The following KLRG2 variants were observed in gnomAD, a reference collection of about 807,000 sequenced individuals.
KLRG2 encodes killer cell lectin-like receptor subfamily G member 2.
KLRG2 carries 39 observed loss-of-function variants against 35.4 expected under a neutral mutation model. The observed-to-expected ratio is 1.10, with a 90% CI of 0.85 to 1.44. The LOEUF is 1.44. Ranked by LOEUF, KLRG2 falls within the 40% of genes most tolerant of loss-of-function variation. KLRG2 has a pLI of 0.00. For missense variants in KLRG2, 632 were observed against 570.9 expected (o/e 1.11, Z -1.09); for synonymous variants, 283 against 265.8 (o/e 1.06, Z -0.63).
chr7:139,428,439 T>G, the KLRG2 span, among the ~76,000 whole-genome samples: 1 of 152,212 alleles, frequency 6.6e-6, no homozygotes, highest in Non-Finnish European at 1.5e-5. Flanking sequence ...AATTTTTTTT[T>G]GCAGAGATGG....
intron 3 of KLRG2, among the ~76,000 whole-genome samples, chr7:139,456,875 A>T (rs560535022): frequency 2.0e-5 from 3 of 152,130 alleles, no homozygotes; most frequent in Non-Finnish European, 4.4e-5. Context: ...TCAGCATCGC[A>T]CTATGATAAC....
Position 139,479,732 on chromosome 7 carries a change from G to A in KLRG2, c.900C>T (p.Ser300=). The stretch of plus-strand genomic sequence containing the variant: ...CAGAGAAGTAGTAACAGTGCTCCTC[G>A]GACAACACCCAGCCTGGGGGGCACT... ...CQQCPPGWVL[S]EEHCYYFSAE... The change falls in exon 3 of 5, where the codon TCC becomes TCT. Residue 300 remains serine (S), a synonymous_variant. Coordinates refer to ENST00000340940, the MANE Select transcript of KLRG2 (RefSeq NM_198508.4). 5 of 1,614,020 alleles carry A rather than the reference G, an allele frequency of 3.1e-6. No homozygotes were observed. The highest frequency in any genetic ancestry group is 4.5e-5 in the East Asian group (2 of 44,876).
At chr7:139,465,184 A>G (rs1425364189) in intron 3 of KLRG2, among the ~76,000 whole-genome samples, 1 of 152,096 alleles carries the variant, frequency 6.6e-6, no homozygotes, top group African/African-American at 2.4e-5. Context: ...CCCGTCCACT[A>G]CCTCTCAACT....
chr7:139,429,891 C>G, the KLRG2 span, among the ~76,000 whole-genome samples: 66 of 152,292 alleles, frequency 4.3e-4, no homozygotes, highest in South Asian at 1.2e-3. Context: ...GTTGAGTACA[C>G]CTCCCAGACG....
Position 139,480,437 on chromosome 7 carries a change from T to C in KLRG2, c.758-190A>G, listed in dbSNP as rs531907453. 1.3e-4 allele frequency among the ~76,000 whole-genome samples: 19 copies of C among 141,280 alleles called. No individual in the cohort carries two copies. The South Asian group carries it at 4.3e-3, about 32-fold the overall frequency. 92.7% of individuals were successfully genotyped at this position (141,280 alleles called of 152,430 possible). On this transcript the variant is annotated intron_variant, in intron 1 of 4. Coordinates refer to ENST00000340940, the MANE Select transcript of KLRG2 (RefSeq NM_198508.4). Reference sequence around the variant, plus strand: ...ATATTCTGGAGAAAGAAGCCAGATATTCTTTTTTTTTTTTTTTTTTTTTTT... The same window carrying C: ...ATATTCTGGAGAAAGAAGCCAGATACTCTTTTTTTTTTTTTTTTTTTTTTT...
chr7:139,470,926 CCT>C (rs1200699471), intron 3 of KLRG2, among the ~76,000 whole-genome samples: 2 of 151,950 alleles, frequency 1.3e-5, no homozygotes, highest in African/African-American at 2.4e-5. Context: ...CACTGGAACC[CCT>C]GTCTCCCAGG....
At chr7:139,477,616 TAG>T (rs1796873602) in intron 3 of KLRG2, among the ~76,000 whole-genome samples, 1 of 152,052 alleles carries the variant, frequency 6.6e-6, no homozygotes, top group Non-Finnish European at 1.5e-5. Flanking sequence ...TTAGAGGGGT[TAG>T]AGTTTCAGTT....
At chr7:139,475,659 G>A (rs1021833129) in intron 3 of KLRG2, among the ~76,000 whole-genome samples, 1 of 152,056 alleles carries the variant, frequency 6.6e-6, no homozygotes, top group Non-Finnish European at 1.5e-5. Context: ...CTTTGGCTGT[G>A]TGTTTGTATC....
intron 3 of KLRG2, among the ~76,000 whole-genome samples, chr7:139,457,323 A>G (rs1435311872): frequency 1.3e-5 from 2 of 152,008 alleles, no homozygotes; most frequent in Non-Finnish European, 2.9e-5. Context: ...TCCTGGGAGC[A>G]CTCAGCTGCC....
intron 3 of KLRG2, among the ~76,000 whole-genome samples, chr7:139,478,364 CAA>C (rs35355853): frequency 6.0e-4 from 57 of 95,298 alleles, no homozygotes; most frequent in Admixed American, 6.6e-4. Context: ...GGACCTGTTT[CAA>C]AAAAAAAAAA....
chr7:139,459,207 C>A (rs1310954108), intron 3 of KLRG2, among the ~76,000 whole-genome samples: 1 of 152,188 alleles, frequency 6.6e-6, no homozygotes, highest in Non-Finnish European at 1.5e-5. Context: ...CACCTCCCCC[C>A]ATTGGCAACA....
chr7:139,463,004 T>C (rs56177325), intron 3 of KLRG2, among the ~76,000 whole-genome samples: 8,360 of 152,082 alleles, frequency 0.055, 706 homozygotes, highest in African/African-American at 0.18. Flanking sequence ...TATCACCTCC[T>C]CTCCTCACAC....
At chr7:139,465,391 C>T (rs1387830654) in intron 3 of KLRG2, among the ~76,000 whole-genome samples, 1 of 152,192 alleles carries the variant, frequency 6.6e-6, no homozygotes, top group Non-Finnish European at 1.5e-5. Flanking sequence ...AGCCGCTTTA[C>T]TTCCAAAGGA....
the KLRG2 span, among the ~76,000 whole-genome samples, chr7:139,428,459 A>G: frequency 6.6e-6 from 1 of 151,900 alleles, no homozygotes; most frequent in African/African-American, 2.4e-5. Context: ...GGATCACACT[A>G]TGTTTCCCAG....
the KLRG2 span, among the ~76,000 whole-genome samples, chr7:139,429,198 C>G: frequency 6.6e-6 from 1 of 152,086 alleles, no homozygotes; most frequent in Non-Finnish European, 1.5e-5. Context: ...TGCAACTACT[C>G]TGGAGGCTGA....
At chr7:139,427,249 G>A in the KLRG2 span, among the ~76,000 whole-genome samples, 1 of 152,300 alleles carries the variant, frequency 6.6e-6, no homozygotes, top group Non-Finnish European at 1.5e-5. Context: ...GTGGGGCCTT[G>A]GGGGCTCTAG....
Position 139,483,044 on chromosome 7 carries a change from T to C in KLRG2, c.599A>G (p.Glu200Gly). 1.5e-6 allele frequency: 2 copies of C among 1,374,842 alleles called. No homozygotes were observed. The highest frequency in any genetic ancestry group is 1.9e-6 in the Non-Finnish European group (2 of 1,074,980). 85.2% of individuals were successfully genotyped at this position (1,374,842 alleles called of 1,614,324 possible). ...TCCTTCCGCGGGGCTGGCCCGGCCC[T>C]CTGCGTCGCAGCCGCTCTCCGTCCG... ...AARTESGCDA[E>G]GRASPAEGSA... Residue 200 changes from glutamate to glycine, a missense_variant, in exon 1 of 5, where the codon GAG becomes GGG. By Grantham distance (98) the Glu-to-Gly change is moderately conservative (BLOSUM62 -2). Transcript: ENST00000340940.
the KLRG2 span, among the ~76,000 whole-genome samples, chr7:139,442,310 CAGG>C: frequency 6.6e-6 from 1 of 152,198 alleles, no homozygotes; most frequent in Admixed American, 6.5e-5. Context: ...GCTCAGCGGA[CAGG>C]AGGAGTGAAG....
At chr7:139,457,473 G>A (rs762511355) in intron 3 of KLRG2, among the ~76,000 whole-genome samples, 9 of 152,202 alleles carry the variant, frequency 5.9e-5, no homozygotes, top group Non-Finnish European at 1.3e-4. Context: ...GAGCCGCTGT[G>A]TGGTCGTCTG....
Sources: gnomAD v4.1 joint callset for allele counts (sites outside exome capture counted in the v4.1 genomes callset) on GRCh38, gnomAD v4.1.1 for gene constraint, MANE v1.5 for transcripts, NCBI Gene and HGNC (gene_info 2026-07-23, HGNC 2026-07-21) for gene names.